SKAP1: variants seen among roughly 807,000 people sequenced by gnomAD.
SKAP1 encodes src kinase associated phosphoprotein 1, also known as src kinase-associated phosphoprotein 1.
In SKAP1, 44 loss-of-function variants were observed where a neutral mutation model predicts 58.5. The ratio of observed to expected loss-of-function variants is 0.75; its 90% CI spans 0.59 to 0.97. The LOEUF (loss-of-function observed/expected upper bound fraction) is 0.97. SKAP1 is among the 50% of genes least tolerant of loss of function. The pLI is 0.00. For missense variants in SKAP1, 390 were observed against 435.2 expected, an observed-to-expected ratio of 0.90 and a Z score of 0.92; for synonymous variants, 127 against 149.7, an observed-to-expected ratio of 0.85 and a Z score of 1.11.
intron 4 of SKAP1, among the ~76,000 whole-genome samples, chr17:48,246,392 TA>T (rs1451933362): frequency 6.6e-6 from 1 of 152,232 alleles, no homozygotes; most frequent in Non-Finnish European, 1.5e-5. Flanking sequence ...TTTGTGGGTA[TA>T]GCCCCGTTGC....
chr17:48,204,795 A>G (rs2064772250), intron 4 of SKAP1, among the ~76,000 whole-genome samples: 1 of 152,020 alleles, frequency 6.6e-6, no homozygotes, highest in South Asian at 2.1e-4. Flanking sequence ...TGAAAGGAGG[A>G]ACAAGAATAG....
intron 11 of SKAP1, among the ~76,000 whole-genome samples, chr17:48,142,162 A>G (rs138125615): frequency 1.3e-5 from 2 of 152,108 alleles, no homozygotes; most frequent in African/African-American, 4.8e-5. Flanking sequence ...GTGGGGCCAA[A>G]TAAATACTTG....
At chr17:48,248,448 TC>T (rs1283369903) in intron 4 of SKAP1, among the ~76,000 whole-genome samples, 1 of 152,004 alleles carries the variant, frequency 6.6e-6, no homozygotes, top group Non-Finnish European at 1.5e-5. Flanking sequence ...GTGCCTGTAA[TC>T]CCAGCTACTC....
At chr17:48,254,453 T>C (rs1482229363) in intron 4 of SKAP1, among the ~76,000 whole-genome samples, 6 of 152,100 alleles carry the variant, frequency 3.9e-5, no homozygotes, top group African/African-American at 7.2e-5. Context: ...TCTTGATACA[T>C]AGTATAAGCA....
the SKAP1 span, among the ~76,000 whole-genome samples, chr17:48,435,449 A>G: frequency 6.6e-6 from 1 of 152,206 alleles, no homozygotes; most frequent in South Asian, 2.1e-4. Context: ...AGATGTGGAA[A>G]CAGTCTGTGT....
At chr17:48,190,173 C>T (rs1425038717) in intron 4 of SKAP1, among the ~76,000 whole-genome samples, 1 of 149,278 alleles carries the variant, frequency 6.7e-6, no homozygotes, top group African/African-American at 2.5e-5. Context: ...GTGGCGCGAT[C>T]TTGGCTCACT....
intron 1 of SKAP1, among the ~76,000 whole-genome samples, chr17:48,415,815 TC>T (rs1055686754): frequency 1.3e-5 from 2 of 151,912 alleles, no homozygotes; most frequent in African/African-American, 4.8e-5. Context: ...ATGGAGTCAT[TC>T]CCCAGTCACA....
At chr17:48,138,237 C>T (rs1007281429) in intron 11 of SKAP1, among the ~76,000 whole-genome samples, 2 of 151,558 alleles carry the variant, frequency 1.3e-5, no homozygotes, top group African/African-American at 4.9e-5. Context: ...CGGAGTCTCG[C>T]ACTGTCGCCC....
intron 4 of SKAP1, among the ~76,000 whole-genome samples, chr17:48,247,173 T>C (rs2065304958): frequency 6.6e-6 from 1 of 152,198 alleles, no homozygotes; most frequent in Admixed American, 6.5e-5. Flanking sequence ...CTGTGTGCAT[T>C]TCACTTCCAA....
chr17:48,316,983 A>G (rs935985878), intron 4 of SKAP1, among the ~76,000 whole-genome samples: 1 of 152,116 alleles, frequency 6.6e-6, no homozygotes, highest in East Asian at 1.9e-4. Flanking sequence ...CTCCCTTATC[A>G]CATCCAACAT....
chr17:48,235,791 C>T (rs561681115), intron 4 of SKAP1, among the ~76,000 whole-genome samples: 1 of 152,292 alleles, frequency 6.6e-6, no homozygotes, highest in East Asian at 1.9e-4. Flanking sequence ...GCAAGTCTTG[C>T]TTGTACTTGG....
At chr17:48,388,522 G>A (rs2067306479) in intron 2 of SKAP1, among the ~76,000 whole-genome samples, 2 of 152,112 alleles carry the variant, frequency 1.3e-5, no homozygotes, top group African/African-American at 4.8e-5. Flanking sequence ...GAACACACAT[G>A]TACACCCACA....
chr17:48,279,242 T>A (rs1320075660), intron 4 of SKAP1, among the ~76,000 whole-genome samples: 1 of 151,820 alleles, frequency 6.6e-6, no homozygotes, highest in African/African-American at 2.4e-5. Flanking sequence ...AAAGAGAAGA[T>A]CCTCAGGGCG....
chr17:48,251,537 G>T (rs2065363567), intron 4 of SKAP1, among the ~76,000 whole-genome samples: 3 of 152,188 alleles, frequency 2.0e-5, no homozygotes, highest in Admixed American at 6.5e-5. Flanking sequence ...GCCTGGAAAT[G>T]AATTGCTGTA....
intron 4 of SKAP1, among the ~76,000 whole-genome samples, chr17:48,201,836 G>T (rs1348553673): frequency 6.6e-6 from 1 of 152,180 alleles, no homozygotes; most frequent in Non-Finnish European, 1.5e-5. Context: ...ATGAATAACT[G>T]ATTACTCTTT....
At chr17:48,434,687 A>C (rs1049678316), upstream of SKAP1, among the ~76,000 whole-genome samples, 2 of 152,180 alleles carry the variant, frequency 1.3e-5, no homozygotes, top group Non-Finnish European at 2.9e-5. Flanking sequence ...CAAGATAAGG[A>C]ACAGACCCAG....
intron 4 of SKAP1, among the ~76,000 whole-genome samples, chr17:48,264,226 C>T (rs1428660625): frequency 1.3e-5 from 2 of 151,540 alleles, no homozygotes; most frequent in East Asian, 1.9e-4. Context: ...TATATATATA[C>T]AAAATGTATA....
chr17:48,187,879 T>G lies in SKAP1; in HGVS notation c.406A>C (p.Ser136Arg), dbSNP rs2064479836. The change falls in exon 6 of 13, where the codon AGC (serine) becomes CGC (arginine). Residue 136 changes from serine to arginine, a missense_variant. By Grantham distance (110) the Ser-to-Arg change is moderately radical. Transcript: ENST00000336915. ...SEWQKRWCVV[S>R]RGLFYYYANE... Reference sequence around the variant, plus strand: ...GCATAGTAGTAGAAGAGACCTCTGCTGACAACACACCATCGCTTCTGCCAC... The same window carrying G: ...GCATAGTAGTAGAAGAGACCTCTGCGGACAACACACCATCGCTTCTGCCAC... 24 of 1,613,878 alleles carry G rather than the reference T, an allele frequency of 1.5e-5. No individual in the cohort carries two copies. Among genetic ancestry groups the G allele is most frequent in the African/African-American group, 2.7e-5 (2 of 74,920 alleles).
intron 4 of SKAP1, among the ~76,000 whole-genome samples, chr17:48,220,312 C>T (rs138451361): frequency 8.5e-5 from 13 of 152,132 alleles, no homozygotes; most frequent in Non-Finnish European, 1.9e-4. Flanking sequence ...CGTTTACCTA[C>T]CATAGAATGA....
Sources: gnomAD v4.1 joint callset for allele counts (sites outside exome capture counted in the v4.1 genomes callset) on GRCh38, gnomAD v4.1.1 for gene constraint, MANE v1.5 for transcripts, NCBI Gene and HGNC (gene_info 2026-07-23, HGNC 2026-07-21) for gene names.